TOP1MT: variants seen among roughly 807,000 people sequenced by gnomAD.
The protein encoded by TOP1MT is DNA topoisomerase I mitochondrial, also known as DNA topoisomerase I, mitochondrial.
TOP1MT carries 80 observed loss-of-function variants against 73.9 expected under a neutral mutation model. The ratio of observed to expected loss-of-function variants is 1.08; its 90% CI spans 0.90 to 1.30. The LOEUF is 1.30. TOP1MT is among the 50% of genes most tolerant of loss of function. The pLI is 0.00. For synonymous variants in TOP1MT, 338 were observed against 326.4 expected (o/e 1.04, Z -0.38); for missense variants, 815 against 808.0 (o/e 1.01, Z -0.10).
chr8:143,357,927 A>G (rs1817439226), upstream of TOP1MT, among the ~76,000 whole-genome samples: 1 of 151,906 alleles, frequency 6.6e-6, no homozygotes, highest in South Asian at 2.1e-4. Flanking sequence ...GTCTCAAAAA[A>G]AAAAAAAAAA....
At chr8:143,325,202 C>A in intron 5 of TOP1MT, 144 bp downstream of exon 5, 1 of 792,760 alleles carries the variant, frequency 1.3e-6, no homozygotes, top group Non-Finnish European at 1.9e-6. Context: ...GCCACGCCTA[C>A]AGGCTGAGCT....
chr8:143,327,769 G>GT (rs1816746498), intron 3 of TOP1MT: 2 of 303,510 alleles, frequency 6.6e-6, no homozygotes, highest in Non-Finnish European at 1.3e-5. Context: ...TCAGGCCAAA[G>GT]AAGAGGGTCC....
chr8:143,314,943 T>C (rs572874002), intron 12 of TOP1MT, among the ~76,000 whole-genome samples: 1 of 152,110 alleles, frequency 6.6e-6, no homozygotes, highest in African/African-American at 2.4e-5. Context: ...AAGACAAGAG[T>C]GCGAGCCTTC....
chr8:143,332,057 TG>T (rs751710801), intron 1 of TOP1MT, among the ~76,000 whole-genome samples: 101 of 77,260 alleles, frequency 1.3e-3, no homozygotes, highest in Admixed American at 5.1e-3. Flanking sequence ...CTCTGGAGAT[TG>T]GGGGGGTGTT....
intron 2 of TOP1MT, among the ~76,000 whole-genome samples, chr8:143,342,281 G>A (rs1313503220): frequency 1.5e-5 from 2 of 131,620 alleles, no homozygotes; most frequent in African/African-American, 3.5e-5. Flanking sequence ...TATTATTAGA[G>A]ACAGAGTCTC....
upstream of TOP1MT, among the ~76,000 whole-genome samples, chr8:143,336,280 G>A (rs189978459): frequency 1.3e-5 from 2 of 152,232 alleles, no homozygotes; most frequent in East Asian, 3.9e-4. Context: ...GGTGTGAGCC[G>A]ATGCCCAGTT....
intron 3 of TOP1MT, chr8:143,327,625 TCTG>T (rs955776099): frequency 1.2e-5 from 3 of 259,032 alleles, no homozygotes; most frequent in African/African-American, 4.5e-5. Context: ...CCACTCCTGT[TCTG>T]CTGCTTTGTG....
At chr8:143,342,094 T>C in intron 2 of TOP1MT, among the ~76,000 whole-genome samples, 1 of 120,678 alleles carries the variant, frequency 8.3e-6, no homozygotes, top group East Asian at 2.1e-4. Flanking sequence ...ATTATTAGAG[T>C]CTCGCTCTGT....
upstream of TOP1MT, among the ~76,000 whole-genome samples, chr8:143,337,469 C>A (rs923172182): frequency 1.3e-5 from 2 of 152,150 alleles, no homozygotes; most frequent in African/African-American, 4.8e-5. Flanking sequence ...CATCTAAATT[C>A]CAGCTGGCGT....
At position 143,321,363 on chromosome 8, in the gene TOP1MT, CTCATT is replaced by C; in HGVS notation, c.979_983del (p.Asn327GlufsTer5). 1 of 1,592,922 alleles carries C rather than the reference CTCATT, an allele frequency of 6.3e-7. No individual in the cohort carries two copies. Among genetic ancestry groups the C allele is most frequent in the Non-Finnish European group, 8.6e-7 (1 of 1,164,514 alleles). On this transcript the variant is annotated frameshift_variant, in exon 8 of 14. Transcript: ENST00000329245. LOFTEE classifies it high-confidence loss of function. ...TGTCGGCCGCCTCACCGTCCTCCTT[CTCATT>C]TCCTGCTCTCAGTGCCAGCTAGTTG...
At chr8:143,332,408 TGGG>T in intron 1 of TOP1MT, 4 of 1,091,022 alleles carry the variant, frequency 3.7e-6, no homozygotes, top group Non-Finnish European at 4.9e-6. Context: ...ACCATCAGGA[TGGG>T]GGAGAGTGAG....
At chr8:143,334,915 C>A, upstream of TOP1MT, 1 of 1,303,700 alleles carries the variant, frequency 7.7e-7, no homozygotes, top group South Asian at 2.2e-5. Flanking sequence ...GCGGCCAGCC[C>A]CGCCCCGCCC....
rs759428964 is a variant in TOP1MT at position 143,315,787 on chromosome 8, C to G, written c.1493G>C (p.Arg498Thr). The stretch of plus-strand genomic sequence containing the variant: ...AGCCCTCGCCCTCCTCAGCTCTGCC[C>G]TGGCCTCAGCCACCTGCTCCTTCTT... ...QAKKEQVAEA[R>T]AELRRARAEH... The change falls in exon 12 of 14, where the codon AGG (arginine) becomes ACG (threonine). Residue 498 changes from arginine (R) to threonine (T), a missense_variant. Coordinates refer to ENST00000329245, the MANE Select transcript of TOP1MT (RefSeq NM_052963.3). The G allele has an allele frequency of 1.2e-6, 2 of 1,613,954 alleles. No homozygotes were observed. The highest frequency in any genetic ancestry group is 1.7e-6 in the Non-Finnish European group (2 of 1,180,006).
chr8:143,327,823 C>T (rs117429405), intron 3 of TOP1MT: 8 of 392,500 alleles, frequency 2.0e-5, no homozygotes, highest in African/African-American at 6.2e-5. Context: ...CAGGCTCCAG[C>T]AGCTGGCTCG....
At position 143,317,664 on chromosome 8, in the gene TOP1MT, C is replaced by T. The variant is rs569674912; in HGVS notation, c.1330+59G>A. The T allele has an allele frequency of 6.4e-5, 94 of 1,459,230 alleles. No homozygotes were observed. In the East Asian group the frequency reaches 1.7e-3, roughly 27 times the overall value. 90.4% of individuals were successfully genotyped at this position (1,459,230 alleles called of 1,614,324 possible). On this transcript the variant is annotated intron_variant, in intron 10 of 13. Transcript: ENST00000329245. Reference sequence around the variant, plus strand: ...CTCAACAAGGGCCAGCCGGGGAGCCCGGTCTGGGGCAGGGGCCGTGCTCCC... The same window carrying T: ...CTCAACAAGGGCCAGCCGGGGAGCCTGGTCTGGGGCAGGGGCCGTGCTCCC...
intron 7 of TOP1MT, among the ~76,000 whole-genome samples, chr8:143,323,478 C>CAT (rs1816595915): frequency 8.9e-6 from 1 of 112,638 alleles, no homozygotes; most frequent in African/African-American, 3.6e-5. Context: ...TCACCACACA[C>CAT]GCACGCCACA....
At chr8:143,343,429 C>A (rs1245792947) in intron 1 of TOP1MT, 2 of 356,740 alleles carry the variant, frequency 5.6e-6, no homozygotes, top group East Asian at 1.5e-4. Flanking sequence ...GTACACCTGG[C>A]AAAGCTGCTG....
At chr8:143,348,611 G>A (rs1020851078), upstream of TOP1MT, among the ~76,000 whole-genome samples, 1 of 152,148 alleles carries the variant, frequency 6.6e-6, no homozygotes. The surrounding 1 kb of genome is among the most constrained non-coding windows in gnomAD (Gnocchi z 4.6). Context: ...GGGGGTGGGG[G>A]GGGGTGGGGG....
intron 7 of TOP1MT, among the ~76,000 whole-genome samples, chr8:143,322,971 A>G (rs1426199716): frequency 2.6e-5 from 2 of 75,694 alleles, no homozygotes; most frequent in African/African-American, 8.4e-5. Flanking sequence ...CACGCCACAC[A>G]CGCACGCACG....
Sources: gnomAD v4.1 joint callset for allele counts (sites outside exome capture counted in the v4.1 genomes callset) on GRCh38, gnomAD v4.1.1 for gene constraint, Gnocchi (gnomAD v3.1) non-coding constraint, MANE v1.5 for transcripts, NCBI Gene and HGNC (gene_info 2026-07-23, HGNC 2026-07-21) for gene names.